GPR160: variants seen among roughly 807,000 people sequenced by gnomAD.
The protein encoded by GPR160 is G protein-coupled receptor 160.
In GPR160, 2 loss-of-function variants were observed where a neutral mutation model predicts 2.6. That is an observed-to-expected ratio of 0.77 (90% CI 0.32 to 2.44). GPR160 has a LOEUF of 2.44. Among genes scored for constraint, GPR160 ranks in the 30% most tolerant of loss-of-function variants. The probability of loss-of-function intolerance (pLI) is 0.11; values close to 1 mark genes in which losing one functional copy is unlikely to be tolerated. For synonymous variants in GPR160, 130 were observed against 132.2 expected (o/e 0.98, Z 0.12); for missense variants, 351 against 383.6 (o/e 0.91, Z 0.71).
At chr3:170,067,125 C>T (rs1712382316) in intron 2 of GPR160, among the ~76,000 whole-genome samples, 1 of 152,228 alleles carries the variant, frequency 6.6e-6, no homozygotes, top group African/African-American at 2.4e-5. Context: ...CCGCCTCAAC[C>T]TCCCAAGTAG....
At position 170,039,734 on chromosome 3, in the gene GPR160, G is replaced by A. The variant is rs567323651; in HGVS notation, c.-193+691G>A. ...AAAATAAATAAATAAATAAGGAGACGATGAAGGACATTTCTACTGATTATT... is the reference window on the plus strand; with the variant it reads ...AAAATAAATAAATAAATAAGGAGACAATGAAGGACATTTCTACTGATTATT... On this transcript the variant is annotated intron_variant, in intron 2 of 3. Coordinates refer to ENST00000355897, the MANE Select transcript of GPR160 (RefSeq NM_014373.3). Among the ~76,000 whole-genome samples, 6 of 152,294 alleles carry A rather than the reference G, an allele frequency of 3.9e-5. No individual in the cohort carries two copies. In the East Asian group the frequency reaches 7.7e-4, roughly 20 times the overall value.
chr3:170,071,941 T>C (rs1712617363), intron 2 of GPR160, among the ~76,000 whole-genome samples: 1 of 152,172 alleles, frequency 6.6e-6, no homozygotes, highest in African/African-American at 2.4e-5. Flanking sequence ...TTTTTGTTGC[T>C]GAGAAGTATT....
intron 2 of GPR160, among the ~76,000 whole-genome samples, chr3:170,066,124 CTTTTTCT>C (rs1712316468): frequency 1.3e-5 from 1 of 78,538 alleles, no homozygotes; most frequent in East Asian, 4.3e-4. Context: ...TATTCTTTTT[CTTTTTCT>C]TTTTTTTTTT....
intron 3 of GPR160, among the ~76,000 whole-genome samples, chr3:170,082,394 A>G (rs1053345779): frequency 1.3e-5 from 2 of 152,198 alleles, no homozygotes; most frequent in Non-Finnish European, 2.9e-5. Context: ...TGCATATCAT[A>G]AAGATGACCA....
intron 2 of GPR160, among the ~76,000 whole-genome samples, chr3:170,073,881 A>ATTTTTTTTTTTTTT: frequency 1.2e-5 from 1 of 81,880 alleles, no homozygotes; most frequent in Non-Finnish European, 2.3e-5. Flanking sequence ...TTTAATAGGG[A>ATTTTTTTTTTTTTT]TTTTTTTTTT....
chr3:170,049,354 G>C (rs969892644), intron 2 of GPR160, among the ~76,000 whole-genome samples: 7 of 152,202 alleles, frequency 4.6e-5, no homozygotes, highest in African/African-American at 1.4e-4. Flanking sequence ...TAGACATTAA[G>C]TTGTTTTGAT....
At chr3:170,061,123 A>G (rs1046369915) in intron 2 of GPR160, among the ~76,000 whole-genome samples, 1 of 151,972 alleles carries the variant, frequency 6.6e-6, no homozygotes, top group African/African-American at 2.4e-5. Context: ...AATAATACAA[A>G]AATTAGCCAG....
intron 2 of GPR160, among the ~76,000 whole-genome samples, chr3:170,074,283 A>C (rs1358837960): frequency 2.0e-5 from 3 of 152,124 alleles, no homozygotes; most frequent in Admixed American, 2.0e-4. Flanking sequence ...TATCGAAATA[A>C]AGTTGTTCAA....
chr3:170,057,462 G>T (rs2108322607), intron 2 of GPR160: 1 of 152,300 alleles, frequency 6.6e-6, no homozygotes, highest in Middle Eastern at 3.4e-3. Flanking sequence ...ATTAAAAAAT[G>T]AAAAGATAGG....
At chr3:170,067,858 G>A (rs1712422506) in intron 2 of GPR160, among the ~76,000 whole-genome samples, 1 of 152,110 alleles carries the variant, frequency 6.6e-6, no homozygotes, top group African/African-American at 2.4e-5. Flanking sequence ...TGACCAATAG[G>A]GTTTTCCACA....
At chr3:170,076,264 T>C (rs1712844089) in intron 2 of GPR160, among the ~76,000 whole-genome samples, 1 of 152,108 alleles carries the variant, frequency 6.6e-6, no homozygotes, top group African/African-American at 2.4e-5. Context: ...TAAAAATAAG[T>C]AAAATAAAAA....
rs1427042443 is a variant in GPR160 at position 170,038,939 on chromosome 3, C to T, written c.-297C>T. 6.6e-6 allele frequency: 1 copy of T among 151,986 alleles called. No individual in the cohort carries two copies. The highest frequency in any genetic ancestry group is 1.5e-5 in the Non-Finnish European group (1 of 68,008). The allele number at this position is 151,986 out of a possible 1,614,324, so 9.4% of individuals were successfully genotyped here. On this transcript the variant is annotated 5_prime_UTR_variant, in exon 2 of 4. Transcript: ENST00000355897. This position sits in a 1 kb window ranked among gnomAD's most constrained non-coding sequence, Gnocchi z 5.3. ...GGTGGCCTCGAGGTGGTGGCAGGGC[C>T]GCCCCCTGCAGTCCGGAGACGAACG...
At chr3:170,072,061 T>A (rs1712621746) in intron 2 of GPR160, among the ~76,000 whole-genome samples, 1 of 147,124 alleles carries the variant, frequency 6.8e-6, no homozygotes, top group Non-Finnish European at 1.5e-5. Context: ...TATATTTGTA[T>A]ACAAGCTTTT....
At chr3:170,067,034 A>G (rs560842644) in intron 2 of GPR160, among the ~76,000 whole-genome samples, 17 of 152,222 alleles carry the variant, frequency 1.1e-4, no homozygotes, top group Non-Finnish European at 2.4e-4. Flanking sequence ...TGAGACAGTC[A>G]TTCTCTGTTG....
chr3:170,078,689 G>A (rs907754841), intron 2 of GPR160, among the ~76,000 whole-genome samples: 1 of 152,132 alleles, frequency 6.6e-6, no homozygotes, highest in Non-Finnish European at 1.5e-5. Flanking sequence ...TCCTCTAGAG[G>A]GCAGAATTTG....
intron 2 of GPR160, among the ~76,000 whole-genome samples, chr3:170,072,067 C>CTTTTTT (rs1202875086): frequency 8.8e-4 from 76 of 85,988 alleles, no homozygotes; most frequent in African/African-American, 1.7e-3. Context: ...TGTATACAAG[C>CTTTTTT]TTTTTTTTTT....
intron 2 of GPR160, among the ~76,000 whole-genome samples, chr3:170,045,737 G>A (rs1432526244): frequency 6.6e-6 from 1 of 152,214 alleles, no homozygotes; most frequent in Non-Finnish European, 1.5e-5. Context: ...TCCCTCAGGT[G>A]ATGATTAACC....
At chr3:170,062,611 TC>T (rs1712024416) in intron 2 of GPR160, 1 of 1,307,936 alleles carries the variant, frequency 7.6e-7, no homozygotes, top group Non-Finnish European at 1.1e-6. Context: ...CAGCAGAACT[TC>T]CAAAACCTCC....
chr3:170,060,762 C>A (rs760172560), intron 2 of GPR160, among the ~76,000 whole-genome samples: 1 of 152,052 alleles, frequency 6.6e-6, no homozygotes, highest in Non-Finnish European at 1.5e-5. Flanking sequence ...CACAGTGAGA[C>A]CCTGTCTCAA....
Sources: gnomAD v4.1 joint callset for allele counts (sites outside exome capture counted in the v4.1 genomes callset) on GRCh38, gnomAD v4.1.1 for gene constraint, Gnocchi (gnomAD v3.1) non-coding constraint, MANE v1.5 for transcripts, NCBI Gene and HGNC (gene_info 2026-07-23, HGNC 2026-07-21) for gene names.